Variants in NPSR1 observed in about 807,000 individuals in gnomAD.
NPSR1 encodes the protein neuropeptide S receptor.
In NPSR1, 48 loss-of-function variants were observed where a neutral mutation model predicts 46.9. The observed-to-expected ratio is 1.02, with a 90% CI of 0.81 to 1.30. The LOEUF is 1.30. NPSR1 is among the 50% of genes most tolerant of loss of function. The pLI, the probability that NPSR1 is intolerant of heterozygous loss-of-function variation, is 0.00. For missense variants in NPSR1, 450 were observed against 449.5 expected (o/e 1.00, Z -0.01); for synonymous variants, 176 against 168.1 (o/e 1.05, Z -0.36).
chr7:34,837,160 A>G (rs902247682), intron 6 of NPSR1, among the ~76,000 whole-genome samples: 2 of 152,220 alleles, frequency 1.3e-5, no homozygotes, highest in Non-Finnish European at 2.9e-5. Context: ...TTTTCCACTT[A>G]GCCATGTGTT....
At chr7:34,876,247 T>C (rs1396374663) in intron 8 of NPSR1, among the ~76,000 whole-genome samples, 5 of 152,090 alleles carry the variant, frequency 3.3e-5, no homozygotes, top group Non-Finnish European at 7.4e-5. Context: ...TGGAGCAAGA[T>C]GTCAGGAAGC....
In NPSR1 at chr7:34,789,532, C is replaced by T. The variant is rs528018123; in HGVS notation, c.384+10967C>T. Among the ~76,000 whole-genome samples the T allele has an allele frequency of 5.3e-5, 8 of 151,962 alleles. No homozygotes were observed. In the South Asian group the frequency reaches 1.7e-3, roughly 32 times the overall value. Reference sequence around the variant, plus strand: ...TGTCAGCCAGGCGTAGTGGCTCATGCCTGTAATCCCAGCACTTCGGGAGGC... The same window carrying T: ...TGTCAGCCAGGCGTAGTGGCTCATGTCTGTAATCCCAGCACTTCGGGAGGC... On this transcript the variant is annotated intron_variant, in intron 3 of 8. Transcript: ENST00000360581.
At chr7:34,711,586 C>T (rs1423477799) in intron 2 of NPSR1, 1 of 152,282 alleles carries the variant, frequency 6.6e-6, no homozygotes, top group Non-Finnish European at 1.5e-5. Context: ...CACATTCACA[C>T]CAAAGATTCT....
chr7:34,667,516 C>T (rs1223073452), intron 1 of NPSR1, among the ~76,000 whole-genome samples: 2 of 152,152 alleles, frequency 1.3e-5, no homozygotes, highest in East Asian at 3.9e-4. Flanking sequence ...TCCACTTTCC[C>T]CGCCTTTCCA....
At chr7:34,790,994 G>T (rs1322365185) in intron 3 of NPSR1, among the ~76,000 whole-genome samples, 2,187 of 94,468 alleles carry the variant, frequency 0.023, 213 homozygotes, top group African/African-American at 0.11. Context: ...TATTATATAT[G>T]TTATATGTTA....
chr7:34,742,606 G>A (rs1198711851), intron 2 of NPSR1, among the ~76,000 whole-genome samples: 1 of 152,146 alleles, frequency 6.6e-6, no homozygotes, highest in African/African-American at 2.4e-5. Context: ...CTTTGCTCTT[G>A]TGAATAGTAC....
chr7:34,663,067 C>CTCTCTGTGTGTGTGTGTG (rs35826710), intron 1 of NPSR1, among the ~76,000 whole-genome samples: 4 of 99,386 alleles, frequency 4.0e-5, no homozygotes, highest in African/African-American at 1.7e-4. Flanking sequence ...CTCTCTCTCT[C>CTCTCTGTGTGTGTGTGTG]TGTGTGTGTG....
intron 2 of NPSR1, among the ~76,000 whole-genome samples, chr7:34,731,247 GATAA>G (rs1265216594): frequency 2.0e-5 from 3 of 152,018 alleles, no homozygotes; most frequent in South Asian, 2.1e-4. Context: ...ATAAGTAGAA[GATAA>G]ATACTTAATA....
intron 2 of NPSR1, among the ~76,000 whole-genome samples, chr7:34,709,092 T>C (rs1240106964): frequency 6.6e-6 from 1 of 152,090 alleles, no homozygotes; most frequent in Non-Finnish European, 1.5e-5. Context: ...AGTTGCAGGG[T>C]CATTCTTCTC....
chr7:34,859,401 C>G (rs1358969439), intron 8 of NPSR1, among the ~76,000 whole-genome samples: 3 of 151,598 alleles, frequency 2.0e-5, no homozygotes, highest in African/African-American at 7.3e-5. Context: ...TCTTTCTGCC[C>G]TTCCTTGTCC....
intron 3 of NPSR1, among the ~76,000 whole-genome samples, chr7:34,792,713 A>T (rs374950616): frequency 0.051 from 4,623 of 89,828 alleles, 353 homozygotes; most frequent in African/African-American, 0.17. Flanking sequence ...ATATATATAT[A>T]TTTATATATA....
intron 2 of NPSR1, among the ~76,000 whole-genome samples, chr7:34,724,020 T>C (rs1234144841): frequency 6.6e-6 from 1 of 152,134 alleles, no homozygotes; most frequent in African/African-American, 2.4e-5. Flanking sequence ...CCACACTGAG[T>C]TAGTCTTTTA....
intron 5 of NPSR1, among the ~76,000 whole-genome samples, chr7:34,828,653 C>T (rs969393701): frequency 1.3e-5 from 2 of 152,142 alleles, no homozygotes; most frequent in African/African-American, 4.8e-5. Context: ...GATTATCAGC[C>T]TTTGTTTTTG....
intron 1 of NPSR1, among the ~76,000 whole-genome samples, chr7:34,663,070 T>TGTGTGTGTGTGTGTGTGTGTTC (rs1791547204): frequency 8.9e-6 from 1 of 111,970 alleles, no homozygotes; most frequent in African/African-American, 4.3e-5. Context: ...TCTCTCTCTG[T>TGTGTGTGTGTGTGTGTGTGTTC]GTGTGTGTGT....
At chr7:34,686,122 T>C (rs1420564024) in intron 2 of NPSR1, 1 of 152,944 alleles carries the variant, frequency 6.5e-6, no homozygotes, top group Non-Finnish European at 1.5e-5. Flanking sequence ...TTAAAGTTTT[T>C]TCATAAACAA....
intron 8 of NPSR1, among the ~76,000 whole-genome samples, chr7:34,863,917 C>T (rs1187648080): frequency 6.6e-6 from 1 of 151,768 alleles, no homozygotes; most frequent in Admixed American, 6.5e-5. Context: ...TATAAAAACA[C>T]ATGCACACAT....
At position 34,802,570 on chromosome 7, in the gene NPSR1, A is replaced by G. The variant is rs558941644; in HGVS notation, c.385-9200A>G. On this transcript the variant is annotated intron_variant, in intron 3 of 8. Transcript: ENST00000360581. ...CACCTCATACAAAAATCAATTCAAGATGGATTAAAGACTAAATTGTTAGAC... is the reference window on the plus strand; with the variant it reads ...CACCTCATACAAAAATCAATTCAAGGTGGATTAAAGACTAAATTGTTAGAC... 1.1e-3 allele frequency among the ~76,000 whole-genome samples: 164 copies of G among 149,544 alleles called. 4 individuals carry two copies. The highest frequency in any genetic ancestry group is 1.3e-3 in the Non-Finnish European group (86 of 68,034).
At chr7:34,791,124 T>TATATGTTATATATTATATATA (rs1191876787) in intron 3 of NPSR1, among the ~76,000 whole-genome samples, 28 of 110,808 alleles carry the variant, frequency 2.5e-4, no homozygotes, top group South Asian at 1.8e-3. Context: ...TAATATAATA[T>TATATGTTATATATTATATATA]ATATGTTATA....
intron 1 of NPSR1, among the ~76,000 whole-genome samples, chr7:34,684,293 T>C (rs1792807083): frequency 6.6e-6 from 1 of 152,232 alleles, no homozygotes; most frequent in Non-Finnish European, 1.5e-5. Flanking sequence ...ACTTTTCACA[T>C]AGTGTTACAA....
Sources: allele counts gnomAD v4.1 joint callset (sites outside exome capture counted in the v4.1 genomes callset), GRCh38; gene constraint gnomAD v4.1.1; transcripts MANE v1.5; gene names NCBI Gene and HGNC (gene_info 2026-07-23, HGNC 2026-07-21).